The following ESR2 variants were observed in gnomAD, a reference collection of about 807,000 sequenced individuals.
ESR2 encodes estrogen receptor beta.
ESR2 carries 36 observed loss-of-function variants against 49.6 expected under a neutral mutation model. That is an observed-to-expected ratio of 0.73 (90% CI 0.56 to 0.96). The LOEUF is 0.96. Among genes scored for constraint, ESR2 ranks in the 40% least tolerant of loss-of-function variants. ESR2 has a pLI of 0.00. For missense variants in ESR2, 714 were observed against 693.0 expected (o/e 1.03, Z -0.34); for synonymous variants, 320 against 266.1 (o/e 1.20, Z -1.97).
intron 1 of ESR2, among the ~76,000 whole-genome samples, chr14:64,289,614 G>A (rs2076839447): frequency 6.6e-6 from 1 of 152,098 alleles, no homozygotes; most frequent in African/African-American, 2.4e-5. Flanking sequence ...GTATATCACT[G>A]GATACACATT....
intron 5 of ESR2, among the ~76,000 whole-genome samples, chr14:64,259,272 C>G (rs1271410680): frequency 1.3e-5 from 2 of 152,196 alleles, no homozygotes; most frequent in African/African-American, 4.8e-5. Flanking sequence ...CAAAAGTCCC[C>G]AAATGATACT....
chr14:64,273,838 A>C (rs1176590347), intron 3 of ESR2, among the ~76,000 whole-genome samples: 1 of 149,654 alleles, frequency 6.7e-6, no homozygotes, highest in Non-Finnish European at 1.5e-5. Context: ...CTCCTTCTCT[A>C]TTTTTCAGAA....
intron 7 of ESR2, among the ~76,000 whole-genome samples, chr14:64,246,260 G>A (rs757005346): frequency 2.7e-4 from 41 of 152,270 alleles, no homozygotes; most frequent in South Asian, 1.5e-3. Flanking sequence ...GAGAGACCAG[G>A]TGGAGGTAAT....
intron 1 of ESR2, among the ~76,000 whole-genome samples, chr14:64,319,942 G>A (rs1468725489): frequency 1.3e-5 from 2 of 152,136 alleles, no homozygotes; most frequent in Non-Finnish European, 2.9e-5. Flanking sequence ...TTTTACCCAG[G>A]TGAAGTGAAA....
Position 64,233,034 on chromosome 14 carries a change from T to A in ESR2, c.*103A>T. 6.7e-7 allele frequency: 1 copy of A among 1,501,434 alleles called. No individual in the cohort carries two copies. The highest frequency in any genetic ancestry group is 8.9e-7 in the Non-Finnish European group (1 of 1,124,686). The allele number at this position is 1,501,434 out of a possible 1,614,324, so 93.0% of individuals were successfully genotyped here. On this transcript the variant is annotated 3_prime_UTR_variant, in exon 9 of 9. Coordinates refer to ENST00000341099, the MANE Select transcript of ESR2 (RefSeq NM_001437.3). ...CATGACCAAGCCTGCCATCACCAAATGAGGGACCACACAGCAGAAAGATGA... is the reference window on the plus strand; with the variant it reads ...CATGACCAAGCCTGCCATCACCAAAAGAGGGACCACACAGCAGAAAGATGA...
At chr14:64,241,018 C>T (rs955704260) in intron 7 of ESR2, among the ~76,000 whole-genome samples, 3 of 151,606 alleles carry the variant, frequency 2.0e-5, no homozygotes, top group East Asian at 3.9e-4. Flanking sequence ...TGATGGTGGG[C>T]GCCTGTAGTC....
chr14:64,243,454 T>C (rs971979648), intron 7 of ESR2, among the ~76,000 whole-genome samples: 4 of 152,226 alleles, frequency 2.6e-5, no homozygotes, highest in Non-Finnish European at 4.4e-5. Context: ...CAATGCAGCA[T>C]TGCCACAAAC....
In ESR2 at chr14:64,260,482, C is replaced by G; in HGVS notation, c.919G>C (p.Val307Leu). The G allele has an allele frequency of 6.5e-7, 1 of 1,530,840 alleles. No homozygotes were observed. The highest frequency in any genetic ancestry group is 8.8e-7 in the Non-Finnish European group (1 of 1,139,834). The allele number at this position is 1,530,840 out of a possible 1,614,324, so 94.8% of individuals were successfully genotyped here. The change falls in exon 5 of 9, where the codon GTA (valine) becomes CTA (leucine). Residue 307 changes from valine to leucine, a missense_variant. Coordinates refer to ENST00000341099, the MANE Select transcript of ESR2 (RefSeq NM_001437.3). ...SLTKLADKEL[V>L]HMISWAKKIP... The stretch of plus-strand genomic sequence containing the variant: ...TTCTTGGCCCAGCTGATCATGTGTA[C>G]CAACTCCTTGTCGGCCAACTTGGTC...
intron 7 of ESR2, among the ~76,000 whole-genome samples, chr14:64,237,189 T>G (rs1239382867): frequency 6.6e-6 from 1 of 152,070 alleles, no homozygotes; most frequent in Non-Finnish European, 1.5e-5. Context: ...CTCAAACTCC[T>G]GACCTCGCAA....
intron 1 of ESR2, chr14:64,336,439 CATTTT>C: frequency 6.6e-6 from 1 of 152,310 alleles, no homozygotes; most frequent in South Asian, 2.1e-4. Context: ...TCTCAGTCTT[CATTTT>C]ATTTGATCAG....
intron 4 of ESR2, among the ~76,000 whole-genome samples, chr14:64,266,218 GGAGA>G (rs1189935284): frequency 1.3e-5 from 2 of 152,170 alleles, no homozygotes; most frequent in Admixed American, 1.3e-4. Context: ...TTTCAGGGAA[GGAGA>G]GAGAATGGAA....
chr14:64,267,309 G>A (rs1256044), intron 4 of ESR2, among the ~76,000 whole-genome samples: 99,461 of 152,110 alleles, frequency 0.65, 34,130 homozygotes, highest in African/African-American at 0.88. Flanking sequence ...GAAGCCCACC[G>A]GTTTCTGACA....
intron 1 of ESR2, among the ~76,000 whole-genome samples, chr14:64,291,287 TAGGTCACCCTA>T (rs1049271449): frequency 1.3e-5 from 2 of 152,178 alleles, no homozygotes; most frequent in Non-Finnish European, 2.9e-5. Context: ...TCTATCTTTC[TAGGTCACCCTA>T]ACTCTCCTGC....
intron 5 of ESR2, among the ~76,000 whole-genome samples, chr14:64,258,810 C>T (rs1290371181): frequency 3.9e-5 from 6 of 152,106 alleles, no homozygotes; most frequent in East Asian, 1.9e-4. Context: ...AGAGAGATCA[C>T]GGTTCTTAAT....
upstream of ESR2, among the ~76,000 whole-genome samples, chr14:64,296,043 C>CA (rs34335763): frequency 0.24 from 21,614 of 88,850 alleles, 2,950 homozygotes; most frequent in Non-Finnish European, 0.26. Context: ...GACTCTGTCT[C>CA]AAAAAAAAAA....
At chr14:64,255,435 AGT>A (rs772849455) in intron 6 of ESR2, among the ~76,000 whole-genome samples, 19 of 152,232 alleles carry the variant, frequency 1.2e-4, no homozygotes, top group South Asian at 6.2e-4. Flanking sequence ...GGGTTTCTGC[AGT>A]GTGTTACAAG....
downstream of ESR2, chr14:64,227,438 A>ATTAT: frequency 7.1e-7 from 1 of 1,416,718 alleles, no homozygotes; most frequent in Non-Finnish European, 9.7e-7. Flanking sequence ...TTTCTTTAAA[A>ATTAT]TTATTTTTTT....
At chr14:64,302,077 C>A (rs2077026599) in intron 1 of ESR2, among the ~76,000 whole-genome samples, 1 of 152,130 alleles carries the variant, frequency 6.6e-6, no homozygotes, top group Non-Finnish European at 1.5e-5. Context: ...ACACCTGACC[C>A]AATTATAAGA....
At chr14:64,264,396 T>C (rs1567757321) in intron 4 of ESR2, among the ~76,000 whole-genome samples, 2 of 152,204 alleles carry the variant, frequency 1.3e-5, no homozygotes, top group Non-Finnish European at 2.9e-5. Flanking sequence ...TTCATTTTAT[T>C]AGTAATCAAG....
Sources: allele counts gnomAD v4.1 joint callset (sites outside exome capture counted in the v4.1 genomes callset), GRCh38; gene constraint gnomAD v4.1.1; transcripts MANE v1.5; gene names NCBI Gene and HGNC (gene_info 2026-07-23, HGNC 2026-07-21).